Variants in HSPA12B observed in about 807,000 individuals in gnomAD.
The protein encoded by HSPA12B is heat shock 70 kDa protein 12B.
A neutral mutation model predicts 69.3 loss-of-function variants in HSPA12B; 54 were observed. The ratio of observed to expected loss-of-function variants is 0.78; its 90% CI spans 0.63 to 0.98. HSPA12B has a LOEUF of 0.98. Ranked by LOEUF, HSPA12B falls within the 50% of genes least tolerant of loss-of-function variation. The pLI, the probability that HSPA12B is intolerant of heterozygous loss-of-function variation, is 0.00. For missense variants in HSPA12B, 929 were observed against 999.8 expected, an observed-to-expected ratio of 0.93 and a Z score of 0.96; for synonymous variants, 441 against 436.5, an observed-to-expected ratio of 1.01 and a Z score of -0.13.
rs2088277200 is a variant in HSPA12B at position 3,745,235 on chromosome 20, G to T, written c.453+147G>T. Reference sequence around the variant, plus strand: ...GGGGCGGGGCTAAAGGGAGACGTCGGACTCCGGTGTGGGCGGAGCTCAGAA... The same window carrying T: ...GGGGCGGGGCTAAAGGGAGACGTCGTACTCCGGTGTGGGCGGAGCTCAGAA... On this transcript the variant is annotated intron_variant, in intron 5 of 12. Transcript: ENST00000254963. This position sits in a 1 kb window ranked among gnomAD's most constrained non-coding sequence, Gnocchi z 5.6. 2.6e-6 allele frequency: 2 copies of T among 771,940 alleles called. No individual in the cohort carries two copies. Among genetic ancestry groups the T allele is most frequent in the African/African-American group, 1.8e-5 (1 of 57,122 alleles). 47.8% of individuals were successfully genotyped at this position (771,940 alleles called of 1,614,324 possible). A position where few individuals can be genotyped will look rare whatever the true frequency, so the allele number is the denominator to read the frequency against.
chr20:3,745,016 T>A lies in HSPA12B; in HGVS notation c.381T>A (p.His127Gln), dbSNP rs758508985. 7 of 1,614,002 alleles carry A rather than the reference T, an allele frequency of 4.3e-6. No individual in the cohort carries two copies. In the Admixed American group the frequency reaches 1.2e-4, roughly 27 times the overall value. Residue 127 changes from histidine to glutamine, a missense_variant, in exon 5 of 13, where the codon CAT becomes CAA. This residue lies in a region of HSPA12B where 477 missense variants were observed against 535.2 expected (regional missense o/e 0.89). Transcript: ENST00000254963. This position sits in a 1 kb window ranked among gnomAD's most constrained non-coding sequence, Gnocchi z 5.6. ...SFGYTARDYY[H>Q]DLDPEEARDW... ...GCTACACCGCCCGCGATTACTACCA[T>A]GACCTGGACCCCGAAGAGGCGCGGG...
rs776728204 is a variant in HSPA12B, at chr20:3,740,785, C to A, written c.44-30C>A. 3.6e-5 allele frequency: 58 copies of A among 1,592,776 alleles called. No homozygotes were observed. The highest frequency in any genetic ancestry group is 5.0e-5 in the Non-Finnish European group (58 of 1,164,172). On this transcript the variant is annotated intron_variant, in intron 2 of 12. Transcript: ENST00000254963. This position sits in a 1 kb window ranked among gnomAD's most constrained non-coding sequence, Gnocchi z 4.9. ...CGCTGCCATACCTACCCTGCTTGTG[C>A]CAGGATGAACTGCCGTCTCTTCTCT...
At chr20:3,742,217 A>G (rs2088214048) in intron 3 of HSPA12B, 67 bp from the exon 4 acceptor site, 2 of 1,585,122 alleles carry the variant, frequency 1.3e-6, no homozygotes, top group African/African-American at 2.7e-5. Context: ...CAGAGGAAGC[A>G]TTGGGGCTGT....
chr20:3,746,858 G>A (rs982137910), intron 7 of HSPA12B, among the ~76,000 whole-genome samples: 1 of 152,146 alleles, frequency 6.6e-6, no homozygotes. Context: ...CTCCAAGTGA[G>A]GCCATTCCCA....
In HSPA12B at chr20:3,751,642, C is replaced by T. The variant is rs1165799877; in HGVS notation, c.1537C>T (p.Pro513Ser). 2.0e-6 allele frequency: 3 copies of T among 1,526,026 alleles called. No individual in the cohort carries two copies. In the East Asian group the frequency reaches 7.5e-5, roughly 38 times the overall value. The allele number at this position is 1,526,026 out of a possible 1,614,324, so 94.5% of individuals were successfully genotyped here. The change falls in exon 13 of 13, where the codon CCG becomes TCG. Residue 513 changes from proline to serine, a missense_variant. Physicochemically the swap from Pro to Ser is moderately conservative, Grantham distance 74. Transcript: ENST00000254963. ...CGCCCGCGGTCTGCGTGTCGTGGTC[C>T]CGCACGACGTGGGCCTCACCATCCT... is the stretch of plus-strand genomic sequence containing the variant. ...LGARGLRVVV[P>S]HDVGLTILKG...
chr20:3,736,644 A>G (rs1245055206), intron 1 of HSPA12B, among the ~76,000 whole-genome samples: 1 of 152,226 alleles, frequency 6.6e-6, no homozygotes, highest in Non-Finnish European at 1.5e-5. Context: ...ATGAGAACAT[A>G]GTGTCAGTGG....
chr20:3,751,508 C>G lies in HSPA12B; in HGVS notation c.1406-3C>G. The stretch of plus-strand genomic sequence containing the variant: ...ACCCGCGTCCCCCCGTCCTGTCCCG[C>G]AGAGGCCCTGCTGGCACGGCCGGAG... On this transcript the variant is annotated splice_polypyrimidine_tract_variant and splice_region_variant and intron_variant, in intron 12 of 12. Transcript: ENST00000254963. The G allele has an allele frequency of 7.0e-7, 1 of 1,422,688 alleles. No homozygotes were observed. The highest frequency in any genetic ancestry group is 9.2e-7 in the Non-Finnish European group (1 of 1,089,302). The allele number at this position is 1,422,688 out of a possible 1,614,324, so 88.1% of individuals were successfully genotyped here. A position where few individuals can be genotyped will look rare whatever the true frequency, so the allele number is the denominator to read the frequency against.
chr20:3,742,351 C>G lies in HSPA12B; in HGVS notation c.209C>G (p.Thr70Arg). Residue 70 changes from threonine to arginine, a missense_variant, in exon 4 of 13, where the codon ACG becomes AGG. By Grantham distance (71) the Thr-to-Arg change is moderately conservative (BLOSUM62 -1). This residue lies in a region of HSPA12B where 477 missense variants were observed against 535.2 expected (regional missense o/e 0.89). Transcript: ENST00000254963. ...GTGGTGGCCATTGACTTCGGCACCA[C>G]GTCTAGTGGCTATGCTTTCAGCTTT... ...SVVVAIDFGTTSSGYAFSFAS... is the reference protein window; with the variant it reads ...SVVVAIDFGTRSSGYAFSFAS... 6.2e-7 allele frequency: 1 copy of G among 1,614,122 alleles called. No homozygotes were observed. Among genetic ancestry groups the G allele is most frequent in the African/African-American group, 1.3e-5 (1 of 75,054 alleles).
rs11469563 is a variant in HSPA12B, at chr20:3,752,727, CTG to C, written c.*564_*565del. On this transcript the variant is annotated 3_prime_UTR_variant, in exon 13 of 13. Transcript: ENST00000254963. ...TGTGGTGCTGACCACCCAAATATGA[CTG>C]TGAATTGTGGAAAGGGCAGTAGATC... 11,325 of 154,308 alleles carry C rather than the reference CTG, an allele frequency of 0.073. 874 individuals carry two copies. The highest frequency in any genetic ancestry group is 0.2 in the African/African-American group (8,300 of 41,496). 9.6% of individuals were successfully genotyped at this position (154,308 alleles called of 1,614,324 possible).
chr20:3,742,044 A>G (rs1027031704), intron 3 of HSPA12B, among the ~76,000 whole-genome samples: 1 of 152,134 alleles, frequency 6.6e-6, no homozygotes, highest in African/African-American at 2.4e-5. Context: ...GCAGGAAAGC[A>G]GGAGCTTGAG....
rs2088185317 is a variant in HSPA12B, at chr20:3,740,715, C to T, written c.44-100C>T. 3.3e-6 allele frequency: 3 copies of T among 903,718 alleles called. No homozygotes were observed. The South Asian group carries it at 4.3e-5, about 13-fold the overall frequency. 56.0% of individuals were successfully genotyped at this position (903,718 alleles called of 1,614,324 possible). On this transcript the variant is annotated intron_variant, in intron 2 of 12. Coordinates refer to ENST00000254963, the MANE Select transcript of HSPA12B (RefSeq NM_052970.5). The surrounding 1 kb of genome is among the most constrained non-coding windows in gnomAD (Gnocchi z 4.9). ...CAGCAGAGAGCCCTTTGCCTTAGCCCAGCAAGGACTGATGGAGAACCTTTG... is the reference window on the plus strand; with the variant it reads ...CAGCAGAGAGCCCTTTGCCTTAGCCTAGCAAGGACTGATGGAGAACCTTTG...
At chr20:3,748,427 G>A (rs764026486) in intron 8 of HSPA12B, 36 bp downstream of exon 8, 37 of 1,472,156 alleles carry the variant, frequency 2.5e-5, no homozygotes, top group Non-Finnish European at 3.2e-5. Context: ...CACCCCTGGA[G>A]GGTCAGAGGG....
At position 3,740,929 on chromosome 20, in the gene HSPA12B, G is replaced by A. The variant is rs757175305; in HGVS notation, c.141+17G>A. 4 of 1,602,240 alleles carry A rather than the reference G, an allele frequency of 2.5e-6. No homozygotes were observed. The highest frequency in any genetic ancestry group is 3.4e-6 in the Non-Finnish European group (4 of 1,172,872). ...CAGTCTCCAGTAAGCCCAGAGCAGG[G>A]ACCAGGTGGTGGGTGACCTGGCTGG... On this transcript the variant is annotated intron_variant, in intron 3 of 12. Coordinates refer to ENST00000254963, the MANE Select transcript of HSPA12B (RefSeq NM_052970.5). This position sits in a 1 kb window ranked among gnomAD's most constrained non-coding sequence, Gnocchi z 4.9.
At chr20:3,742,474 A>G (rs2088219900) in intron 4 of HSPA12B, 66 bp downstream of exon 4, 2 of 1,314,378 alleles carry the variant, frequency 1.5e-6, no homozygotes, top group Non-Finnish European at 2.2e-6. Flanking sequence ...CTTGGTCCCA[A>G]AAGTACTGTC....
Position 3,745,822 on chromosome 20 carries a change from CT to C in HSPA12B, c.559-92del. On this transcript the variant is annotated intron_variant, in intron 6 of 12. Coordinates refer to ENST00000254963, the MANE Select transcript of HSPA12B (RefSeq NM_052970.5). This position sits in a 1 kb window ranked among gnomAD's most constrained non-coding sequence, Gnocchi z 5.6. Reference sequence around the variant, plus strand: ...TTCCAGCTCTGCTGGGAAGTCCTTCCTGTGATTTGATTAGTACCTCCAGTTC... The same window carrying C: ...TTCCAGCTCTGCTGGGAAGTCCTTCCGTGATTTGATTAGTACCTCCAGTTC... 8.4e-7 allele frequency: 1 copy of C among 1,192,420 alleles called. No individual in the cohort carries two copies. The highest frequency in any genetic ancestry group is 1.3e-6 in the Non-Finnish European group (1 of 796,908). 73.9% of individuals were successfully genotyped at this position (1,192,420 alleles called of 1,614,324 possible).
In HSPA12B at chr20:3,738,773, T is replaced by A; in HGVS notation, c.43+56T>A. On this transcript the variant is annotated intron_variant, in intron 2 of 12. Coordinates refer to ENST00000254963, the MANE Select transcript of HSPA12B (RefSeq NM_052970.5). Reference sequence around the variant, plus strand: ...ATCACCCACTCACCCGAGCAGGCACTGAGACCCACCTACAGGTTGTGCAAT... The same window carrying A: ...ATCACCCACTCACCCGAGCAGGCACAGAGACCCACCTACAGGTTGTGCAAT... 1.9e-6 allele frequency: 3 copies of A among 1,587,246 alleles called. No homozygotes were observed. In the Admixed American group the frequency reaches 5.0e-5, roughly 27 times the overall value.
intron 11 of HSPA12B, 123 bp from the exon 12 acceptor site, chr20:3,750,681 T>C: frequency 6.4e-7 from 1 of 1,572,524 alleles, no homozygotes; most frequent in Non-Finnish European, 8.6e-7. Flanking sequence ...AGACACCACG[T>C]GCAGTCGGTG....
Position 3,751,995 on chromosome 20 carries a change from C to T in HSPA12B, c.1890C>T (p.Leu630=). The change falls in exon 13 of 13, where the codon CTC becomes CTT. Residue 630 remains leucine (L), a synonymous_variant. Transcript: ENST00000254963. ...TDPGVRKCGA[L]SLELEPADCG... Reference sequence around the variant, plus strand: ...CCGGCGTGCGCAAATGCGGCGCGCTCAGCCTCGAGCTTGAGCCCGCCGACT... The same window carrying T: ...CCGGCGTGCGCAAATGCGGCGCGCTTAGCCTCGAGCTTGAGCCCGCCGACT... The T allele has an allele frequency of 5.7e-6, 9 of 1,568,420 alleles. No homozygotes were observed. Among genetic ancestry groups the T allele is most frequent in the Non-Finnish European group, 7.7e-6 (9 of 1,163,024 alleles).
At chr20:3,739,265 T>G (rs1265779968) in intron 2 of HSPA12B, among the ~76,000 whole-genome samples, 1 of 151,700 alleles carries the variant, frequency 6.6e-6, no homozygotes, top group African/African-American at 2.4e-5. Flanking sequence ...TCAGGCCATG[T>G]GCACAGGACC....
Sources: gnomAD v4.1 joint callset for allele counts (sites outside exome capture counted in the v4.1 genomes callset) on GRCh38, gnomAD v4.1.1 for gene constraint, gnomAD v4.1.1 regional missense constraint, Gnocchi (gnomAD v3.1) non-coding constraint, MANE v1.5 for transcripts, NCBI Gene and HGNC (gene_info 2026-07-23, HGNC 2026-07-21) for gene names.